The following BRCA1 variants were observed in gnomAD, a reference collection of about 807,000 sequenced individuals.
The protein encoded by BRCA1 is breast cancer type 1 susceptibility protein.
BRCA1 carries 140 observed loss-of-function variants against 173.7 expected under a neutral mutation model. The observed-to-expected ratio is 0.81, with a 90% confidence interval of 0.70 to 0.93. The LOEUF (loss-of-function observed/expected upper bound fraction) is 0.93, where lower values mean the gene tolerates loss of function less well. Among genes scored for constraint, BRCA1 ranks in the 40% least tolerant of loss-of-function variants. BRCA1 has a pLI of 0.00. For missense variants in BRCA1, 1,983 were observed against 2,172.5 expected (o/e 0.91, Z 1.73); for synonymous variants, 662 against 756.0 (o/e 0.88, Z 2.04).
At chr17:43,133,553 C>T (rs2055988968) in intron 1 of BRCA1, among the ~76,000 whole-genome samples, 1 of 152,092 alleles carries the variant, frequency 6.6e-6, no homozygotes, top group Non-Finnish European at 1.5e-5. Flanking sequence ...TTGAGCCCTT[C>T]CTGCGCTGGC....
At chr17:43,065,957 T>C (rs565159136) in intron 16 of BRCA1, among the ~76,000 whole-genome samples, 2 of 152,344 alleles carry the variant, frequency 1.3e-5, no homozygotes, top group South Asian at 4.1e-4. Flanking sequence ...TTTATGTATC[T>C]TTACCATCTA....
chr17:43,094,548 C>G lies in BRCA1; in HGVS notation c.983G>C (p.Cys328Ser), dbSNP rs1567801307. The change falls in exon 10 of 23, where the codon TGT becomes TCT. Residue 328 changes from cysteine to serine, a missense_variant. By Grantham distance (112) the Cys-to-Ser change is moderately radical. Transcript: ENST00000357654. ...TGTGCTGGGAGTCCGCCTATCATTACATGTTTCCTTACTTCCAGCCCATCT... is the reference window on the plus strand; with the variant it reads ...TGTGCTGGGAGTCCGCCTATCATTAGATGTTTCCTTACTTCCAGCCCATCT... ...HNRWAGSKET[C>S]NDRRTPSTEK... is the part of the protein sequence containing the mutation. The G allele has an allele frequency of 6.2e-7, 1 of 1,614,190 alleles. No individual in the cohort carries two copies. The highest frequency in any genetic ancestry group is 8.5e-7 in the Non-Finnish European group (1 of 1,180,028).
At chr17:43,154,644 G>T (rs2056184977) in intron 1 of BRCA1, among the ~76,000 whole-genome samples, 1 of 151,354 alleles carries the variant, frequency 6.6e-6, no homozygotes, top group Admixed American at 6.6e-5. Flanking sequence ...ATTCCTGAGA[G>T]TAATTCATTT....
chr17:43,095,218 T>C (rs2054083274), intron 9 of BRCA1, among the ~76,000 whole-genome samples: 1 of 152,134 alleles, frequency 6.6e-6, no homozygotes, highest in Non-Finnish European at 1.5e-5. Context: ...CTCTGTTCTA[T>C]CTACAGACTT....
chr17:43,091,008 C>A lies in BRCA1; in HGVS notation c.4121G>T (p.Ser1374Ile), dbSNP rs1382449149. 1 of 1,612,866 alleles carries A rather than the reference C, an allele frequency of 6.2e-7. No homozygotes were observed. Among genetic ancestry groups the A allele is most frequent in the Non-Finnish European group, 8.5e-7 (1 of 1,179,554 alleles). The change falls in exon 11 of 23, where the codon AGT becomes ATT. Residue 1374 changes from serine (S) to isoleucine (I), a missense_variant. By Grantham distance (142) the Ser-to-Ile change is moderately radical. Transcript: ENST00000357654. The stretch of plus-strand genomic sequence containing the variant: ...GCAGTCTTCAGAGACGCTTGTTTCA[C>A]TCTCACACCCAGATGCTGCTTCACC... ...NLGEAASGCE[S>I]ETSVSEDCSG...
rs80357842 is a variant in BRCA1, at chr17:43,091,669, CCTCA to C, written c.3858_3861del (p.Ser1286ArgfsTer20). On this transcript the variant is annotated frameshift_variant, in exon 10 of 23. Transcript: ENST00000357654. LOFTEE classifies it high-confidence loss of function. ...AACAAGCTAGCAGAACATTTTGTTT[CCTCA>C]CTAAGGTGATGTTCCTGAGATGCCT... 1.2e-6 allele frequency: 2 copies of C among 1,614,214 alleles called. No individual in the cohort carries two copies. The highest frequency in any genetic ancestry group is 3.3e-5 in the Admixed American group (2 of 60,028).
rs767666029 is a variant in BRCA1, at chr17:43,093,035, T to A, written c.2496A>T (p.Pro832=). The part of the protein sequence containing the change: ...NRNDTEGFKY[P]LGHEVNHSRE... ...GACTGTGGTTAACTTCATGTCCCAA[T>A]GGATACTTAAAGCCTTCTGTGTCAT... Residue 832 remains proline (P), a synonymous_variant, in exon 10 of 23, where the codon CCA becomes CCT. Transcript: ENST00000357654. The A allele has an allele frequency of 3.7e-6, 6 of 1,613,884 alleles. No individual in the cohort carries two copies. In the African/African-American group the frequency reaches 6.7e-5, roughly 18 times the overall value.
intron 1 of BRCA1, chr17:43,163,727 G>A (rs933635445): frequency 6.6e-6 from 1 of 152,196 alleles, no homozygotes; most frequent in Non-Finnish European, 1.5e-5. Flanking sequence ...ACATCTGCTC[G>A]GGGATGAACA....
At chr17:43,129,126 T>C (rs1314193070), upstream of BRCA1, among the ~76,000 whole-genome samples, 2 of 152,242 alleles carry the variant, frequency 1.3e-5, no homozygotes, top group African/African-American at 4.8e-5. Context: ...TCACATGGAC[T>C]TAACAATAAT....
At chr17:43,067,836 ATT>A (rs11421283) in intron 15 of BRCA1, 141 bp from the exon 16 acceptor site, 2,921 of 213,342 alleles carry the variant, frequency 0.014, no homozygotes, top group Middle Eastern at 0.02. Flanking sequence ...TTTAAAGTGA[ATT>A]TTTTTTTTTT....
At chr17:43,127,360 A>G (rs1473696505), upstream of BRCA1, among the ~76,000 whole-genome samples, 8 of 152,208 alleles carry the variant, frequency 5.3e-5, no homozygotes, top group East Asian at 3.8e-4. Flanking sequence ...GGATGCACCA[A>G]TCAGCACTCT....
At chr17:43,127,772 C>G (rs2055924946), upstream of BRCA1, among the ~76,000 whole-genome samples, 1 of 152,002 alleles carries the variant, frequency 6.6e-6, no homozygotes, top group African/African-American at 2.4e-5. Context: ...CACCTGTAAT[C>G]CCAGCAATTT....
intron 19 of BRCA1, among the ~76,000 whole-genome samples, chr17:43,051,448 T>C (rs2051233119): frequency 6.6e-6 from 1 of 152,184 alleles, no homozygotes; most frequent in Non-Finnish European, 1.5e-5. Context: ...GCAGGTGCTT[T>C]AACTTGTTAG....
At chr17:43,122,193 C>G (rs2055609461) in intron 2 of BRCA1, among the ~76,000 whole-genome samples, 1 of 152,082 alleles carries the variant, frequency 6.6e-6, no homozygotes, top group Non-Finnish European at 1.5e-5. Context: ...ATATGAAAAA[C>G]AACTTTCATA....
intron 1 of BRCA1, chr17:43,139,944 C>T (rs759438975): frequency 8.1e-6 from 4 of 494,124 alleles, no homozygotes; most frequent in Admixed American, 2.2e-5. Context: ...CACAAGGATT[C>T]CTAAATCCCT....
At chr17:43,135,020 C>G (rs2056004698) in intron 1 of BRCA1, among the ~76,000 whole-genome samples, 1 of 152,234 alleles carries the variant, frequency 6.6e-6, no homozygotes, top group African/African-American at 2.4e-5. Context: ...TGCACCCACC[C>G]CTTGCCATGG....
intron 3 of BRCA1, 66 bp downstream of exon 3, chr17:43,115,660 T>C: frequency 1.4e-6 from 2 of 1,480,366 alleles, no homozygotes; most frequent in East Asian, 2.3e-5. Context: ...AAGTTAGGTG[T>C]TTCCTGGGTT....
rs80357076 is a variant in BRCA1 at position 43,074,357 on chromosome 17, G to A, written c.4649C>T (p.Thr1550Ile). 4 of 1,613,950 alleles carry A rather than the reference G, an allele frequency of 2.5e-6. No homozygotes were observed. Among genetic ancestry groups the A allele is most frequent in the Admixed American group, 1.7e-5 (1 of 59,986 alleles). Residue 1550 changes from threonine (T) to isoleucine (I), a missense_variant, in exon 14 of 23, where the codon ACA becomes ATA. Coordinates refer to ENST00000357654, the MANE Select transcript of BRCA1 (RefSeq NM_007294.4). ...EESGPHDLTE[T>I]SYLPRQDLEG... ...TAGATCTTGCCTTGGCAAGTAAGAT[G>A]TTTCCGTCAAATCGTGTGGCCCAGA...
At position 43,116,581 on chromosome 17, in the gene BRCA1, C is replaced by T. The variant is rs8074462; in HGVS notation, c.81-802G>A. Among the ~76,000 whole-genome samples the T allele has an allele frequency of 0.015, 2,245 of 152,176 alleles. 48 individuals are homozygous for T. The highest frequency in any genetic ancestry group is 0.051 in the African/African-American group (2,131 of 41,496). ...TAGCCCAGACTGGCATGCAATGGTG[C>T]GATCTCGGCTCACTGCAACCTCTGC... On this transcript the variant is annotated intron_variant, in intron 2 of 22. Transcript: ENST00000357654.
Sources: allele counts gnomAD v4.1 joint callset (sites outside exome capture counted in the v4.1 genomes callset), GRCh38; gene constraint gnomAD v4.1.1; transcripts MANE v1.5; gene names NCBI Gene and HGNC (gene_info 2026-07-23, HGNC 2026-07-21).